Variants in CNGA4 observed in about 807,000 individuals in gnomAD.
CNGA4 encodes the protein cyclic nucleotide gated channel subunit alpha 4.
A neutral mutation model predicts 45.6 loss-of-function variants in CNGA4; 32 were observed. The ratio of observed to expected loss-of-function variants is 0.70; its 90% confidence interval spans 0.53 to 0.94. The LOEUF (loss-of-function observed/expected upper bound fraction) is 0.94, where lower values mean the gene tolerates loss of function less well. Among genes scored for constraint, CNGA4 ranks in the 40% least tolerant of loss-of-function variants. The pLI is 0.00. For synonymous variants in CNGA4, 293 were observed against 304.6 expected, an observed-to-expected ratio of 0.96 and a Z score of 0.40; for missense variants, 726 against 755.1, an observed-to-expected ratio of 0.96 and a Z score of 0.45.
upstream of CNGA4, among the ~76,000 whole-genome samples, chr11:6,238,573 T>C (rs78276853): frequency 0.041 from 6,252 of 152,110 alleles, 190 homozygotes; most frequent in African/African-American, 0.085. Flanking sequence ...AAAAGCACCA[T>C]AGGATGGCCC....
At chr11:6,235,460 G>C (rs1039024053), upstream of CNGA4, 9 of 985,086 alleles carry the variant, frequency 9.1e-6, no homozygotes, top group Non-Finnish European at 9.6e-6. Flanking sequence ...ACATTACTAC[G>C]GGGGCCACCT....
Position 6,244,424 on chromosome 11 carries a change from C to T in CNGA4, c.*15C>T. ...GTCCAGAGTGACCCCATCCCCATCC[C>T]CAGGATTCCCACCTCCTAGTGAATC... On this transcript the variant is annotated 3_prime_UTR_variant, in exon 6 of 6. Transcript: ENST00000379936. The surrounding 1 kb of genome is among the most constrained non-coding windows in gnomAD (Gnocchi z 4.5). The T allele has an allele frequency of 6.3e-7, 1 of 1,590,426 alleles. No individual in the cohort carries two copies. Among genetic ancestry groups the T allele is most frequent in the African/African-American group, 1.3e-5 (1 of 74,442 alleles).
rs772082615 is a variant in CNGA4, at chr11:6,244,224, C to A, written c.1543C>A (p.Leu515Met). The A allele has an allele frequency of 1.2e-6, 2 of 1,614,228 alleles. No homozygotes were observed. The highest frequency in any genetic ancestry group is 2.2e-5 in the East Asian group (1 of 44,882). The change falls in exon 6 of 6, where the codon CTG (leucine) becomes ATG (methionine). Residue 515 changes from leucine to methionine, a missense_variant. Coordinates refer to ENST00000379936, the MANE Select transcript of CNGA4 (RefSeq NM_001037329.4). This position sits in a 1 kb window ranked among gnomAD's most constrained non-coding sequence, Gnocchi z 4.5. ...TCTACAGACCAAGTTTGCTCGCCTC[C>A]TGGCTGAGCTGGAGTCCAGCGCACT... ...DDLQTKFARL[L>M]AELESSALKI...
chr11:6,236,370 A>G (rs1847838607), upstream of CNGA4, among the ~76,000 whole-genome samples: 2 of 152,242 alleles, frequency 1.3e-5, no homozygotes, highest in African/African-American at 4.8e-5. Context: ...ATAGATTGAT[A>G]GTTATACAGT....
chr11:6,242,133 T>G, intron 5 of CNGA4: 1 of 427,224 alleles, frequency 2.3e-6, no homozygotes, highest in Non-Finnish European at 4.1e-6. Flanking sequence ...TTCTAAGTGC[T>G]TCACATGATA....
At chr11:6,236,448 CAT>C (rs1396413071), upstream of CNGA4, among the ~76,000 whole-genome samples, 8 of 152,080 alleles carry the variant, frequency 5.3e-5, no homozygotes, top group Admixed American at 2.6e-4. Context: ...GAGAAGTGGA[CAT>C]GTGGATTTTT....
intron 5 of CNGA4, among the ~76,000 whole-genome samples, chr11:6,243,594 G>C (rs1218842643): frequency 6.6e-6 from 1 of 152,156 alleles, no homozygotes; most frequent in African/African-American, 2.4e-5. Flanking sequence ...TTATATCTTA[G>C]GACATCCCTT....
chr11:6,240,009 T>TGCTC lies in CNGA4; in HGVS notation c.272-56_272-53dup, dbSNP rs1847888760. 6.4e-7 allele frequency: 1 copy of TGCTC among 1,553,686 alleles called. No individual in the cohort carries two copies. The highest frequency in any genetic ancestry group is 8.7e-7 in the Non-Finnish European group (1 of 1,148,744). On this transcript the variant is annotated intron_variant, in intron 3 of 5. Transcript: ENST00000379936. This position sits in a 1 kb window ranked among gnomAD's most constrained non-coding sequence, Gnocchi z 4.9. ...TCCCTGGCCTGCCCTGGGCAGCTCA[T>TGCTC]GCTCAGCCCAAGCTTGACTACAGCA...
chr11:6,241,556 T>C lies in CNGA4; in HGVS notation c.1043T>C (p.Ile348Thr). ...CTGTCCACTCTGAGCCGGGTGCAGA[T>C]CTTTCAGAACTGTGAGGCCAGCCTG... ...VHLSTLSRVQIFQNCEASLLE... is the reference protein window; with the variant it reads ...VHLSTLSRVQTFQNCEASLLE... Residue 348 changes from isoleucine to threonine, a missense_variant, in exon 5 of 6, where the codon ATC (isoleucine) becomes ACC (threonine). Ile to Thr is a moderately conservative substitution (Grantham distance 89, BLOSUM62 -1). Transcript: ENST00000379936. 6.2e-7 allele frequency: 1 copy of C among 1,614,174 alleles called. No homozygotes were observed. The highest frequency in any genetic ancestry group is 8.5e-7 in the Non-Finnish European group (1 of 1,180,028).
upstream of CNGA4, among the ~76,000 whole-genome samples, chr11:6,238,805 T>G (rs893293151): frequency 6.6e-6 from 1 of 151,740 alleles, no homozygotes; most frequent in Non-Finnish European, 1.5e-5. Context: ...TAAAACAGAG[T>G]GTTTGATCCT....
intron 5 of CNGA4, chr11:6,242,023 T>C: frequency 1.8e-6 from 1 of 548,214 alleles, no homozygotes. Context: ...AGACTTGCTC[T>C]GTGGATATTC....
chr11:6,239,769 A>G lies in CNGA4; in HGVS notation c.250A>G (p.Met84Val), dbSNP rs906894297. Residue 84 changes from methionine (M) to valine (V), a missense_variant, in exon 3 of 6, where the codon ATG (methionine) becomes GTG (valine). Met to Val is a conservative substitution (Grantham distance 21). Transcript: ENST00000379936. Reference sequence around the variant, plus strand: ...GAGTGACCTGCTATACCTACTAGACATGGTGGTGCGCTTCCACACAGGTCA... The same window carrying G: ...GAGTGACCTGCTATACCTACTAGACGTGGTGGTGCGCTTCCACACAGGTCA... ...YTSDLLYLLD[M>V]VVRFHTGFLE... 9 of 1,613,854 alleles carry G rather than the reference A, an allele frequency of 5.6e-6. No individual in the cohort carries two copies. The East Asian group carries it at 1.3e-4, about 24-fold the overall frequency.
At chr11:6,235,461 G>T, upstream of CNGA4, 1 of 985,222 alleles carries the variant, frequency 1.0e-6, no homozygotes, top group Non-Finnish European at 1.2e-6. Context: ...CATTACTACG[G>T]GGGCCACCTA....
In CNGA4 at chr11:6,244,453, A is replaced by G; in HGVS notation, c.*44A>G. 1 of 1,527,622 alleles carries G rather than the reference A, an allele frequency of 6.5e-7. No individual in the cohort carries two copies. The highest frequency in any genetic ancestry group is 8.9e-7 in the Non-Finnish European group (1 of 1,125,988). The allele number at this position is 1,527,622 out of a possible 1,614,324, so 94.6% of individuals were successfully genotyped here. Reference sequence around the variant, plus strand: ...GATTCCCACCTCCTAGTGAATCCAGAGTTGTAGTAAAGCCTAACTGCTGCA... The same window carrying G: ...GATTCCCACCTCCTAGTGAATCCAGGGTTGTAGTAAAGCCTAACTGCTGCA... On this transcript the variant is annotated 3_prime_UTR_variant, in exon 6 of 6. Transcript: ENST00000379936. This position sits in a 1 kb window ranked among gnomAD's most constrained non-coding sequence, Gnocchi z 4.5.
chr11:6,241,941 A>G, intron 5 of CNGA4, 161 bp downstream of exon 5: 1 of 639,712 alleles, frequency 1.6e-6, no homozygotes, highest in South Asian at 1.9e-5. Context: ...AAAACAACAC[A>G]TAGAGGATCC....
chr11:6,242,008 A>G, intron 5 of CNGA4: 2 of 573,960 alleles, frequency 3.5e-6, no homozygotes, highest in South Asian at 4.5e-5. Context: ...CGTGGAAGAG[A>G]GAGTAGACTT....
upstream of CNGA4, chr11:6,235,439 G>A (rs181029976): frequency 1.0e-6 from 1 of 969,690 alleles, no homozygotes; most frequent in South Asian, 4.8e-5. Flanking sequence ...TTGCAGCGTA[G>A]TGTAATAAGT....
chr11:6,241,642 C>G lies in CNGA4; in HGVS notation c.1129C>G (p.Arg377Gly), dbSNP rs772497306. 8.7e-6 allele frequency: 14 copies of G among 1,614,134 alleles called. No homozygotes were observed. The highest frequency in any genetic ancestry group is 1.2e-5 in the Non-Finnish European group (14 of 1,180,032). ...QTYSPGEYVC[R>G]KGDIGQEMYI... ...CTACTCACCAGGTGAATATGTATGC[C>G]GCAAAGGAGACATTGGCCAAGAGAT... Residue 377 changes from arginine (R) to glycine (G), a missense_variant, in exon 5 of 6, where the codon CGC becomes GGC. Physicochemically the swap from Arg to Gly is moderately radical, Grantham distance 125. Coordinates refer to ENST00000379936, the MANE Select transcript of CNGA4 (RefSeq NM_001037329.4).
intron 2 of CNGA4, 43 bp downstream of exon 2, chr11:6,239,528 G>A (rs1847879792): frequency 6.2e-7 from 1 of 1,600,492 alleles, no homozygotes; most frequent in Admixed American, 1.7e-5. Flanking sequence ...GCCAAAAAGA[G>A]GACTAAAGAG....
Sources: gnomAD v4.1 joint callset for allele counts (sites outside exome capture counted in the v4.1 genomes callset) on GRCh38, gnomAD v4.1.1 for gene constraint, Gnocchi (gnomAD v3.1) non-coding constraint, MANE v1.5 for transcripts, NCBI Gene and HGNC (gene_info 2026-07-23, HGNC 2026-07-21) for gene names.